The following MBD5 variants were observed in gnomAD, a reference collection of about 807,000 sequenced individuals.
MBD5 encodes methyl-CpG binding domain protein 5, also known as methyl-CpG-binding domain protein 5.
A neutral mutation model predicts 117.3 loss-of-function variants in MBD5; 13 were observed. The observed-to-expected ratio is 0.11, with a 90% CI of 0.07 to 0.18. The LOEUF (loss-of-function observed/expected upper bound fraction) is 0.18. MBD5 is among the 10% of genes least tolerant of loss of function. The probability of loss-of-function intolerance (pLI) is 1.00; values close to 1 mark genes in which losing one functional copy is unlikely to be tolerated. For missense variants in MBD5, 1,879 were observed against 2,093.8 expected, an observed-to-expected ratio of 0.90 and a Z score of 2.00; for synonymous variants, 727 against 766.4, an observed-to-expected ratio of 0.95 and a Z score of 0.85.
At chr2:148,502,362 G>T in intron 11 of MBD5, 74 bp from the exon 12 acceptor site, 2 of 1,380,986 alleles carry the variant, frequency 1.4e-6, no homozygotes, top group Non-Finnish European at 1.0e-6. Flanking sequence ...CTGCTTGTAC[G>T]GCAGGAAAGT....
rs1004022116 is a variant in MBD5, at chr2:148,023,760, T to C, written c.-925+2076T>C. Among the ~76,000 whole-genome samples the C allele has an allele frequency of 5.3e-5, 8 of 152,164 alleles. No individual in the cohort carries two copies. In the East Asian group the frequency reaches 1.5e-3, roughly 29 times the overall value. ...CTTGAGTTTAATGTCTTTCCTTATT[T>C]TGTTTCTTTTTTTTTTTTAAACATT... On this transcript the variant is annotated intron_variant, in intron 1 of 13. Coordinates refer to ENST00000642680, the MANE Select transcript of MBD5 (RefSeq NM_001378120.1).
rs1316838361 is a variant in MBD5, at chr2:148,489,661, T to C, written c.4029T>C (p.Ser1343=). 18 of 1,614,044 alleles carry C rather than the reference T, an allele frequency of 1.1e-5. No homozygotes were observed. Among genetic ancestry groups the C allele is most frequent in the Non-Finnish European group, 1.5e-5 (18 of 1,180,034 alleles). ...TTGTCATCACCACTGCAGTCAACAG[T>C]ACAACTCAGATCAGCCCCATTCCAG... ...MQVVITTAVN[S]TTQISPIPAL... is the part of the protein sequence containing the mutation. Residue 1343 remains serine (S), a synonymous_variant, in exon 11 of 14, where the codon AGT becomes AGC. Coordinates refer to ENST00000642680, the MANE Select transcript of MBD5 (RefSeq NM_001378120.1).
intron 3 of MBD5, among the ~76,000 whole-genome samples, chr2:148,328,662 C>T (rs528083465): frequency 1.4e-4 from 22 of 152,348 alleles, no homozygotes; most frequent in East Asian, 7.7e-4. Context: ...TGACCCCTTG[C>T]GCTTCCCGAG....
At chr2:148,250,683 T>C (rs1189721708) in intron 3 of MBD5, among the ~76,000 whole-genome samples, 1 of 152,256 alleles carries the variant, frequency 6.6e-6, no homozygotes, top group African/African-American at 2.4e-5. Flanking sequence ...GCTAGTTTTA[T>C]GTGCTAGTCA....
At chr2:148,353,747 A>G (rs1456325257) in intron 4 of MBD5, among the ~76,000 whole-genome samples, 1 of 151,758 alleles carries the variant, frequency 6.6e-6, no homozygotes, top group Non-Finnish European at 1.5e-5. Context: ...GGTACAGCTA[A>G]TTTTTGTATT....
At chr2:148,122,547 A>G (rs952784845) in intron 1 of MBD5, among the ~76,000 whole-genome samples, 1 of 152,200 alleles carries the variant, frequency 6.6e-6, no homozygotes, top group South Asian at 2.1e-4. Context: ...ATGTTTAAAA[A>G]TTTGATATTT....
chr2:148,166,585 G>A (rs1698130362), intron 1 of MBD5, among the ~76,000 whole-genome samples: 1 of 152,126 alleles, frequency 6.6e-6, no homozygotes, highest in Admixed American at 6.5e-5. Flanking sequence ...CTACATCACT[G>A]AGGATGATAG....
At chr2:148,329,950 A>G (rs16828556) in intron 3 of MBD5, among the ~76,000 whole-genome samples, 41,264 of 150,870 alleles carry the variant, frequency 0.27, 5,916 homozygotes, top group African/African-American at 0.31. Context: ...TTTTATATCT[A>G]TCATATCAGT....
intron 1 of MBD5, among the ~76,000 whole-genome samples, chr2:148,033,608 A>C (rs1290950691): frequency 6.6e-6 from 1 of 152,222 alleles, no homozygotes; most frequent in Non-Finnish European, 1.5e-5. Context: ...TTGATTAAGC[A>C]ACTTTTATTA....
chr2:148,062,578 T>A (rs1320084251), intron 1 of MBD5: 2 of 151,818 alleles, frequency 1.3e-5, no homozygotes, highest in Admixed American at 6.6e-5. Flanking sequence ...GTTTTCTGAA[T>A]TTTTTTTGGC....
At chr2:148,271,599 AT>A (rs1243763121) in intron 3 of MBD5, among the ~76,000 whole-genome samples, 2 of 152,158 alleles carry the variant, frequency 1.3e-5, no homozygotes, top group African/African-American at 4.8e-5. Flanking sequence ...TGTTTTGCCT[AT>A]ATAATAAATT....
chr2:148,141,256 T>C (rs533983728), intron 1 of MBD5, among the ~76,000 whole-genome samples: 95 of 152,300 alleles, frequency 6.2e-4, no homozygotes, highest in Middle Eastern at 3.4e-3. Flanking sequence ...AATACCTCTT[T>C]ACCATTGAGA....
chr2:148,403,895 C>G (rs1705000092), intron 4 of MBD5, among the ~76,000 whole-genome samples: 1 of 152,156 alleles, frequency 6.6e-6, no homozygotes, highest in African/African-American at 2.4e-5. Context: ...CCCTCACCCC[C>G]ATTCCTAACC....
At chr2:148,402,228 T>C (rs1704945645) in intron 4 of MBD5, among the ~76,000 whole-genome samples, 1 of 152,158 alleles carries the variant, frequency 6.6e-6, no homozygotes, top group African/African-American at 2.4e-5. Flanking sequence ...CTTACTATTT[T>C]TTAGCATTCA....
intron 2 of MBD5, among the ~76,000 whole-genome samples, chr2:148,180,390 T>C (rs1455759028): frequency 1.8e-5 from 2 of 111,814 alleles, no homozygotes; most frequent in African/African-American, 7.0e-5. Flanking sequence ...CTTTAAGAGA[T>C]GTAGTCTCTT....
At chr2:148,364,791 A>G in intron 4 of MBD5, among the ~76,000 whole-genome samples, 1 of 152,252 alleles carries the variant, frequency 6.6e-6, no homozygotes, top group Non-Finnish European at 1.5e-5. Context: ...AGAAGAGCTA[A>G]CTATCCTAAA....
At chr2:148,111,126 TA>T (rs1204522063) in intron 1 of MBD5, among the ~76,000 whole-genome samples, 7 of 152,168 alleles carry the variant, frequency 4.6e-5, no homozygotes, top group Non-Finnish European at 8.8e-5. Flanking sequence ...GAAGCTAGTT[TA>T]AAGGGGATTC....
chr2:148,341,218 T>A (rs894371371), intron 3 of MBD5, among the ~76,000 whole-genome samples: 1 of 152,028 alleles, frequency 6.6e-6, no homozygotes, highest in Non-Finnish European at 1.5e-5. Flanking sequence ...TGAATGGCAG[T>A]ACCACAATCC....
intron 1 of MBD5, among the ~76,000 whole-genome samples, chr2:148,040,813 A>G (rs773345221): frequency 6.6e-6 from 1 of 152,142 alleles, no homozygotes; most frequent in Non-Finnish European, 1.5e-5. Context: ...CATTAAAATC[A>G]TGTAGGACCA....
Sources: gnomAD v4.1 joint callset for allele counts (sites outside exome capture counted in the v4.1 genomes callset) on GRCh38, gnomAD v4.1.1 for gene constraint, MANE v1.5 for transcripts, NCBI Gene and HGNC (gene_info 2026-07-23, HGNC 2026-07-21) for gene names.